Variants in B3GALT1 observed in about 807,000 individuals in gnomAD.
B3GALT1 encodes beta-1,3-galactosyltransferase 1, also known as UDP-Gal:betaGlcNAc beta 1,3-galactosyltransferase, polypeptide 1.
A neutral mutation model predicts 23.2 loss-of-function variants in B3GALT1; 10 were observed. The observed-to-expected ratio is 0.43, with a 90% CI of 0.27 to 0.73. The LOEUF (loss-of-function observed/expected upper bound fraction) is 0.73. Ranked by LOEUF, B3GALT1 falls within the 30% of genes least tolerant of loss-of-function variation. B3GALT1 has a pLI of 0.21. For missense variants in B3GALT1, 299 were observed against 405.4 expected (o/e 0.74, Z 2.25); for synonymous variants, 156 against 141.5 (o/e 1.10, Z -0.73).
intron 3 of B3GALT1, among the ~76,000 whole-genome samples, chr2:167,778,057 C>T (rs1309340450): frequency 1.3e-5 from 2 of 152,076 alleles, no homozygotes; most frequent in African/African-American, 4.8e-5. Context: ...AAAACACTGG[C>T]TTAGCACAAG....
intron 3 of B3GALT1, among the ~76,000 whole-genome samples, chr2:167,657,551 T>C (rs1685976513): frequency 6.6e-6 from 1 of 152,132 alleles, no homozygotes; most frequent in South Asian, 2.1e-4. Flanking sequence ...TTTTATCAGA[T>C]AAATTTAGTT....
At chr2:167,685,162 C>T (rs1686597884) in intron 3 of B3GALT1, among the ~76,000 whole-genome samples, 1 of 152,170 alleles carries the variant, frequency 6.6e-6, no homozygotes, top group Non-Finnish European at 1.5e-5. Flanking sequence ...CATGGAGCCT[C>T]CCTTTAAAAT....
chr2:167,631,634 G>A (rs940554511), intron 2 of B3GALT1: 68 of 151,342 alleles, frequency 4.5e-4, no homozygotes, highest in Middle Eastern at 3.4e-3. Flanking sequence ...CCCTCATAAT[G>A]TAATTTTAAA....
At chr2:167,715,453 C>T in intron 3 of B3GALT1, 1 of 1,607,140 alleles carries the variant, frequency 6.2e-7, no homozygotes, top group Non-Finnish European at 8.5e-7. Context: ...TTGCTATCGC[C>T]CGTCGTTCTT....
chr2:167,364,872 G>A (rs1697563106), intron 1 of B3GALT1, among the ~76,000 whole-genome samples: 1 of 152,078 alleles, frequency 6.6e-6, no homozygotes, highest in Non-Finnish European at 1.5e-5. Flanking sequence ...AAATATACAT[G>A]AGATCCTCCT....
At chr2:167,351,532 A>G (rs1020261710) in intron 1 of B3GALT1, among the ~76,000 whole-genome samples, 11 of 152,222 alleles carry the variant, frequency 7.2e-5, no homozygotes, top group African/African-American at 2.4e-4. Context: ...GAAAGCTGAC[A>G]TAGCTTTGTG....
intron 3 of B3GALT1, among the ~76,000 whole-genome samples, chr2:167,802,352 C>G: frequency 6.6e-6 from 1 of 152,214 alleles, no homozygotes; most frequent in East Asian, 1.9e-4. Context: ...GCCCTGGAGC[C>G]AGCACCTCAC....
intron 3 of B3GALT1, among the ~76,000 whole-genome samples, chr2:167,719,750 G>A (rs1687202762): frequency 6.6e-6 from 1 of 152,194 alleles, no homozygotes; most frequent in Non-Finnish European, 1.5e-5. Context: ...GACCAACATG[G>A]TGAAACCCCA....
intron 2 of B3GALT1, among the ~76,000 whole-genome samples, chr2:167,554,299 T>G (rs1683805244): frequency 6.6e-6 from 1 of 152,186 alleles, no homozygotes; most frequent in Non-Finnish European, 1.5e-5. Context: ...TTCTGAATAG[T>G]TAGTTGCTAT....
At chr2:167,468,605 C>T (rs902976183) in intron 1 of B3GALT1, among the ~76,000 whole-genome samples, 2 of 152,198 alleles carry the variant, frequency 1.3e-5, no homozygotes, top group Non-Finnish European at 2.9e-5. Context: ...GGCGCGGTGG[C>T]TCACACCTCT....
At chr2:167,662,945 A>G (rs1686092445) in intron 3 of B3GALT1, among the ~76,000 whole-genome samples, 2 of 149,534 alleles carry the variant, frequency 1.3e-5, no homozygotes, top group African/African-American at 4.9e-5. Context: ...CTTTTTTTTT[A>G]TTGTATTTTC....
At chr2:167,706,179 T>C (rs1686964311) in intron 3 of B3GALT1, among the ~76,000 whole-genome samples, 1 of 152,188 alleles carries the variant, frequency 6.6e-6, no homozygotes. Flanking sequence ...TATCTACTTA[T>C]TTATCATTCA....
At chr2:167,669,534 G>A (rs1686283305) in intron 3 of B3GALT1, among the ~76,000 whole-genome samples, 1 of 152,076 alleles carries the variant, frequency 6.6e-6, no homozygotes, top group South Asian at 2.1e-4. Context: ...AAATCATCAT[G>A]ATTTTGAAGT....
intron 3 of B3GALT1, among the ~76,000 whole-genome samples, chr2:167,663,007 G>T (rs554035539): frequency 6.6e-6 from 1 of 151,572 alleles, no homozygotes; most frequent in Non-Finnish European, 1.5e-5. Context: ...TGTGCACAAT[G>T]TGCAGGTTAG....
intron 3 of B3GALT1, among the ~76,000 whole-genome samples, chr2:167,775,885 G>A (rs956948228): frequency 6.6e-6 from 1 of 152,008 alleles, no homozygotes; most frequent in African/African-American, 2.4e-5. Context: ...CTCTACTCCG[G>A]GAACTGTCAA....
intron 4 of B3GALT1, among the ~76,000 whole-genome samples, chr2:167,844,042 A>C (rs989758367): frequency 1.3e-5 from 2 of 152,212 alleles, no homozygotes; most frequent in African/African-American, 4.8e-5. Context: ...CTATTAGACG[A>C]AATATCTAAT....
intron 4 of B3GALT1, among the ~76,000 whole-genome samples, chr2:167,839,550 C>T (rs1318359540): frequency 2.0e-5 from 3 of 152,284 alleles, no homozygotes; most frequent in African/African-American, 7.2e-5. Context: ...AATGGAAGAA[C>T]ATTCCATGCT....
intron 1 of B3GALT1, among the ~76,000 whole-genome samples, chr2:167,400,190 GTGTC>G (rs1698165946): frequency 6.6e-6 from 1 of 150,982 alleles, no homozygotes; most frequent in East Asian, 2.0e-4. Flanking sequence ...GTGTGTGTGT[GTGTC>G]TGTGTGTGTG....
intron 2 of B3GALT1, among the ~76,000 whole-genome samples, chr2:167,624,319 C>T (rs1166893587): frequency 6.6e-6 from 1 of 152,008 alleles, no homozygotes; most frequent in Non-Finnish European, 1.5e-5. Context: ...CAAGAACTGA[C>T]CTTCAGCTTT....
Sources: allele counts gnomAD v4.1 joint callset (sites outside exome capture counted in the v4.1 genomes callset), GRCh38; gene constraint gnomAD v4.1.1; transcripts MANE v1.5; gene names NCBI Gene and HGNC (gene_info 2026-07-23, HGNC 2026-07-21).